GLS: variants seen among roughly 807,000 people sequenced by gnomAD.
GLS encodes glutaminase, also known as glutaminase kidney isoform, mitochondrial.
GLS carries 36 observed loss-of-function variants against 86.7 expected under a neutral mutation model. The ratio of observed to expected loss-of-function variants is 0.42; its 90% confidence interval spans 0.32 to 0.55. The LOEUF (loss-of-function observed/expected upper bound fraction) is 0.55. Among genes scored for constraint, GLS ranks in the 20% least tolerant of loss-of-function variants. The pLI is 0.17. For synonymous variants in GLS, 317 were observed against 305.9 expected (o/e 1.04, Z -0.38); for missense variants, 528 against 833.4 (o/e 0.63, Z 4.51).
rs1690081054 is a variant in GLS, at chr2:190,930,710, C to G, written c.1557+142C>G. On this transcript the variant is annotated intron_variant, in intron 13 of 17. Transcript: ENST00000320717. This position sits in a 1 kb window ranked among gnomAD's most constrained non-coding sequence, Gnocchi z 5.0. Reference sequence around the variant, plus strand: ...CAGTTACTAGGGAGCCGTGGAAATACTCCCAGAGGAGCTTCAAGTTGTCTC... The same window carrying G: ...CAGTTACTAGGGAGCCGTGGAAATAGTCCCAGAGGAGCTTCAAGTTGTCTC... 1 of 641,868 alleles carries G rather than the reference C, an allele frequency of 1.6e-6. No individual in the cohort carries two copies. The highest frequency in any genetic ancestry group is 3.1e-5 in the East Asian group (1 of 32,734). The allele number at this position is 641,868 out of a possible 1,614,324, so 39.8% of individuals were successfully genotyped here. A position where few individuals can be genotyped will look rare whatever the true frequency, so the allele number is the denominator to read the frequency against.
intron 1 of GLS, among the ~76,000 whole-genome samples, chr2:190,893,904 T>G (rs116441042): frequency 0.033 from 5,041 of 152,228 alleles, 251 homozygotes; most frequent in African/African-American, 0.11. Context: ...TTTTTAGAAG[T>G]TGTCTAAGAG....
Position 190,881,050 on chromosome 2 carries a change from T to G in GLS, c.-35T>G, listed in dbSNP as rs1199399248. ...CCGGCCGCCCACGCCCGGAGCATCC[T>G]CCCCTGTTGAGCGGGCGCTGACGGA... On this transcript the variant is annotated 5_prime_UTR_variant, in exon 1 of 18. Transcript: ENST00000320717. 2 of 1,532,254 alleles carry G rather than the reference T, an allele frequency of 1.3e-6. No homozygotes were observed. Among genetic ancestry groups the G allele is most frequent in the Non-Finnish European group, 1.7e-6 (2 of 1,144,594 alleles). The allele number at this position is 1,532,254 out of a possible 1,614,324, so 94.9% of individuals were successfully genotyped here. A position where few individuals can be genotyped will look rare whatever the true frequency, so the allele number is the denominator to read the frequency against.
chr2:190,884,135 C>G (rs1054912693), intron 1 of GLS, among the ~76,000 whole-genome samples: 1 of 152,058 alleles, frequency 6.6e-6, no homozygotes, highest in Admixed American at 6.5e-5. Context: ...CAAAATTGTT[C>G]TCTCTTCTTT....
chr2:190,933,291 A>G (rs1203970487), intron 14 of GLS: 3 of 917,134 alleles, frequency 3.3e-6, no homozygotes, highest in South Asian at 5.0e-5. Context: ...TTTAGTGGCA[A>G]TAGAAGGTAC....
chr2:190,916,807 G>T (rs1326317313), intron 7 of GLS, among the ~76,000 whole-genome samples: 1 of 152,102 alleles, frequency 6.6e-6, no homozygotes, highest in Non-Finnish European at 1.5e-5. Context: ...GCATACGGAA[G>T]TTGTGTTTAT....
In GLS at chr2:190,949,411, G is replaced by A. The variant is rs1164461719; in HGVS notation, c.1651-4154G>A. Among the ~76,000 whole-genome samples, 1 of 152,072 alleles carries A rather than the reference G, an allele frequency of 6.6e-6. No individual in the cohort carries two copies. The highest frequency in any genetic ancestry group is 2.4e-5 in the African/African-American group (1 of 41,394). ...CAAAGATGTAAAAGTTAAGGTAGAT[G>A]GGCTGGGCACAGGGGCTCACACCTG... On this transcript the variant is annotated intron_variant, in intron 14 of 17. Transcript: ENST00000320717. This position sits in a 1 kb window ranked among gnomAD's most constrained non-coding sequence, Gnocchi z 4.0.
At chr2:190,939,295 AAATATG>A (rs1261775359) in intron 14 of GLS, among the ~76,000 whole-genome samples, 1 of 151,696 alleles carries the variant, frequency 6.6e-6, no homozygotes, top group Non-Finnish European at 1.5e-5. Context: ...TGAGTTCTTG[AAATATG>A]TTAACTTTTG....
chr2:190,963,091 G>T lies in GLS; in HGVS notation c.*105G>T. The T allele has an allele frequency of 1.3e-6, 1 of 797,588 alleles. No homozygotes were observed. 49.4% of individuals were successfully genotyped at this position (797,588 alleles called of 1,614,324 possible). A position where few individuals can be genotyped will look rare whatever the true frequency, so the allele number is the denominator to read the frequency against. On this transcript the variant is annotated 3_prime_UTR_variant, in exon 18 of 18. Transcript: ENST00000320717. ...TGGTAGTGATGTATATTTTACATTT[G>T]TCATTTCAGTGTTACTGGAGTTTTC...
At chr2:190,887,838 G>A (rs2125976047) in intron 1 of GLS, among the ~76,000 whole-genome samples, 1 of 152,180 alleles carries the variant, frequency 6.6e-6, no homozygotes, top group South Asian at 2.1e-4. Flanking sequence ...TTCATATGAG[G>A]GTCTCTTATT....
intron 1 of GLS, among the ~76,000 whole-genome samples, chr2:190,893,783 C>A (rs1238438783): frequency 6.6e-6 from 1 of 152,044 alleles, no homozygotes; most frequent in African/African-American, 2.4e-5. Context: ...TGGGGTTTCA[C>A]CGTGTTGGCC....
In GLS at chr2:190,897,835, T is replaced by C. The variant is rs1224649814; in HGVS notation, c.605+2110T>C. Among the ~76,000 whole-genome samples the C allele has an allele frequency of 1.3e-5, 2 of 152,210 alleles. No homozygotes were observed. Among genetic ancestry groups the C allele is most frequent in the African/African-American group, 4.8e-5 (2 of 41,456 alleles). On this transcript the variant is annotated intron_variant, in intron 3 of 17. Transcript: ENST00000320717. This position sits in a 1 kb window ranked among gnomAD's most constrained non-coding sequence, Gnocchi z 4.3. ...TGGTTGAAGCAGTGTGTTAATATTT[T>C]ACCTAAAATACATTGTAGATTAATA...
intron 14 of GLS, chr2:190,934,890 G>C (rs187713469): frequency 1.0e-6 from 1 of 979,178 alleles, no homozygotes; most frequent in South Asian, 4.7e-5. Flanking sequence ...ACTGCGAATA[G>C]GCCCTCAAAC....
chr2:190,957,421 C>T lies in GLS; in HGVS notation c.1853+2603C>T, dbSNP rs186277274. Among the ~76,000 whole-genome samples, 405 of 152,292 alleles carry T rather than the reference C, an allele frequency of 2.7e-3. 2 individuals carry two copies. Among genetic ancestry groups the T allele is most frequent in the African/African-American group, 8.9e-3 (371 of 41,556 alleles). ...TATTTCTTTCCCTTGCCTGATTGTC[C>T]TAGCCAGAACTGCCAATACTATGTT... On this transcript the variant is annotated intron_variant, in intron 17 of 17. Coordinates refer to ENST00000320717, the MANE Select transcript of GLS (RefSeq NM_014905.5).
In GLS at chr2:190,949,274, G is replaced by A. The variant is rs763887414; in HGVS notation, c.1651-4291G>A. On this transcript the variant is annotated intron_variant, in intron 14 of 17. Coordinates refer to ENST00000320717, the MANE Select transcript of GLS (RefSeq NM_014905.5). The surrounding 1 kb of genome is among the most constrained non-coding windows in gnomAD (Gnocchi z 4.0). ...GCTGCTTAGAAACCTGTAGTGATTA[G>A]AGCAATGTTTTGAGAATATGATTAG... 6.6e-6 allele frequency among the ~76,000 whole-genome samples: 1 copy of A among 152,172 alleles called. No individual in the cohort carries two copies. The highest frequency in any genetic ancestry group is 2.1e-4 in the South Asian group (1 of 4,832).
In GLS at chr2:190,943,555, T is replaced by A. The variant is rs756811930; in HGVS notation, c.1651-10010T>A. 4.6e-5 allele frequency among the ~76,000 whole-genome samples: 7 copies of A among 152,156 alleles called. No homozygotes were observed. The highest frequency in any genetic ancestry group is 7.2e-5 in the African/African-American group (3 of 41,422). On this transcript the variant is annotated intron_variant, in intron 14 of 17. Transcript: ENST00000320717. This position sits in a 1 kb window ranked among gnomAD's most constrained non-coding sequence, Gnocchi z 4.5. ...TGAACTGTATGAAAGCATAGATAAT[T>A]TAGTAAGATGAGGGTTTTATATTTA...
rs566387951 is a variant in GLS at position 190,905,628 on chromosome 2, G to A, written c.979+461G>A. 2.6e-5 allele frequency among the ~76,000 whole-genome samples: 4 copies of A among 152,086 alleles called. No homozygotes were observed. Among genetic ancestry groups the A allele is most frequent in the South Asian group, 2.1e-4 (1 of 4,824 alleles). On this transcript the variant is annotated intron_variant, in intron 6 of 17. Transcript: ENST00000320717. This position sits in a 1 kb window ranked among gnomAD's most constrained non-coding sequence, Gnocchi z 4.6. Reference sequence around the variant, plus strand: ...TGAGGATTATTATTTTTCAGTGAGTGTTTTTACTTTTTATCCTTATAACAT... The same window carrying A: ...TGAGGATTATTATTTTTCAGTGAGTATTTTTACTTTTTATCCTTATAACAT...
Position 190,913,541 on chromosome 2 carries a change from TA to T in GLS, c.1038+3224del. 1 of 965,732 alleles carries T rather than the reference TA, an allele frequency of 1.0e-6. No individual in the cohort carries two copies. 59.8% of individuals were successfully genotyped at this position (965,732 alleles called of 1,614,324 possible). A position where few individuals can be genotyped will look rare whatever the true frequency, so the allele number is the denominator to read the frequency against. On this transcript the variant is annotated intron_variant, in intron 7 of 17. Coordinates refer to ENST00000320717, the MANE Select transcript of GLS (RefSeq NM_014905.5). This position sits in a 1 kb window ranked among gnomAD's most constrained non-coding sequence, Gnocchi z 6.1. ...TTGTGATAATGTGTGATTGCTTGAT[TA>T]AAAGGAAAGAACAAAAATAAATTTG...
At chr2:190,918,262 C>T (rs1223974452) in intron 7 of GLS, among the ~76,000 whole-genome samples, 2 of 152,208 alleles carry the variant, frequency 1.3e-5, no homozygotes, top group Non-Finnish European at 2.9e-5. Context: ...ACCTTCATCA[C>T]TGAAGTTAGG....
rs564747722 is a variant in GLS at position 190,881,170 on chromosome 2, A to G, written c.86A>G (p.Gln29Arg). 2.6e-6 allele frequency: 4 copies of G among 1,524,080 alleles called. No individual in the cohort carries two copies. The highest frequency in any genetic ancestry group is 2.0e-5 in the Admixed American group (1 of 50,510). The allele number at this position is 1,524,080 out of a possible 1,614,324, so 94.4% of individuals were successfully genotyped here. A position where few individuals can be genotyped will look rare whatever the true frequency, so the allele number is the denominator to read the frequency against. ...AGVSATLRRAQPLVTLCRRPR... is the reference protein window; with the variant it reads ...AGVSATLRRARPLVTLCRRPR... ...GTGAGCGCGACTCTGCGGCGGGCAC[A>G]GCCCTTGGTCACCCTGTGCCGGCGT... Residue 29 changes from glutamine to arginine, a missense_variant, in exon 1 of 18, where the codon CAG becomes CGG. Gln to Arg is a conservative substitution (Grantham distance 43). Transcript: ENST00000320717.
Sources: allele counts gnomAD v4.1 joint callset (sites outside exome capture counted in the v4.1 genomes callset), GRCh38; gene constraint gnomAD v4.1.1; non-coding constraint Gnocchi (gnomAD v3.1); transcripts MANE v1.5; gene names NCBI Gene and HGNC (gene_info 2026-07-23, HGNC 2026-07-21).